Variants in PTGER3 observed in about 807,000 individuals in gnomAD.
The protein encoded by PTGER3 is prostaglandin E2 receptor EP3 subtype.
Under a neutral mutation model 34.7 loss-of-function variants are expected in PTGER3, and 22 were observed. The ratio of observed to expected loss-of-function variants is 0.63; its 90% CI spans 0.45 to 0.91. The LOEUF (loss-of-function observed/expected upper bound fraction) is 0.91, where lower values mean the gene tolerates loss of function less well. Among genes scored for constraint, PTGER3 ranks in the 40% least tolerant of loss-of-function variants. The pLI, the probability that PTGER3 is intolerant of heterozygous loss-of-function variation, is 0.00. For missense variants in PTGER3, 468 were observed against 519.4 expected (o/e 0.90, Z 0.96); for synonymous variants, 241 against 230.1 (o/e 1.05, Z -0.43).
At chr1:70,889,513 G>A (rs1029744855) in intron 4 of PTGER3, among the ~76,000 whole-genome samples, 1 of 151,630 alleles carries the variant, frequency 6.6e-6, no homozygotes, top group Non-Finnish European at 1.5e-5. Flanking sequence ...TTCTCTGTTG[G>A]ACAAATTTAG....
chr1:70,986,169 T>TA (rs1290036751), intron 2 of PTGER3, among the ~76,000 whole-genome samples: 1 of 152,078 alleles, frequency 6.6e-6, no homozygotes, highest in Non-Finnish European at 1.5e-5. Flanking sequence ...CTATATGGTC[T>TA]AAAAAGGGGA....
chr1:70,987,305 C>CA (rs1420149098), intron 2 of PTGER3, among the ~76,000 whole-genome samples: 1 of 152,156 alleles, frequency 6.6e-6, no homozygotes, highest in Non-Finnish European at 1.5e-5. Context: ...TTAAGTCTGA[C>CA]AAAACGTATA....
intron 1 of PTGER3, among the ~76,000 whole-genome samples, chr1:71,038,552 A>G (rs1660022143): frequency 1.3e-5 from 2 of 152,206 alleles, no homozygotes; most frequent in South Asian, 4.1e-4. Context: ...GATCCTTCAA[A>G]TATCTATCAT....
At chr1:70,984,212 C>A (rs1239359485) in intron 2 of PTGER3, among the ~76,000 whole-genome samples, 1 of 151,440 alleles carries the variant, frequency 6.6e-6, no homozygotes, top group East Asian at 1.9e-4. Flanking sequence ...CGTGGTGAAA[C>A]CCTGTCTCTA....
At chr1:70,955,847 C>A (rs375333063) in intron 2 of PTGER3, among the ~76,000 whole-genome samples, 2 of 152,230 alleles carry the variant, frequency 1.3e-5, no homozygotes, top group South Asian at 4.2e-4. Flanking sequence ...GGTCACTAAT[C>A]CCATCACTAT....
chr1:70,975,792 G>C (rs1424103159), intron 2 of PTGER3, among the ~76,000 whole-genome samples: 1 of 152,158 alleles, frequency 6.6e-6, no homozygotes, highest in Non-Finnish European at 1.5e-5. Context: ...TGGAAGAGTG[G>C]TCAGACTTGG....
chr1:70,869,388 C>A (rs955678071), intron 4 of PTGER3: 2 of 417,028 alleles, frequency 4.8e-6, no homozygotes, highest in Admixed American at 5.3e-5. Flanking sequence ...ATCATTCCAC[C>A]CCTCTTCTCC....
At chr1:70,856,001 A>G (rs1031032203) in intron 4 of PTGER3, among the ~76,000 whole-genome samples, 7 of 152,118 alleles carry the variant, frequency 4.6e-5, no homozygotes, top group African/African-American at 1.7e-4. Context: ...GGTAGATTAA[A>G]AAGTTTGGTA....
At chr1:70,914,991 A>G (rs76048468) in intron 4 of PTGER3, among the ~76,000 whole-genome samples, 6,370 of 152,000 alleles carry the variant, frequency 0.042, 167 homozygotes, top group Middle Eastern at 0.13. Context: ...CCGGGAACCT[A>G]TGCTAGGTAC....
At chr1:71,033,082 C>T (rs1659545985) in intron 1 of PTGER3, among the ~76,000 whole-genome samples, 1 of 152,122 alleles carries the variant, frequency 6.6e-6, no homozygotes, top group African/African-American at 2.4e-5. Flanking sequence ...AATTTACCTC[C>T]TAATTCTCTC....
At chr1:70,988,773 C>T (rs1255835853) in intron 2 of PTGER3, among the ~76,000 whole-genome samples, 1 of 151,938 alleles carries the variant, frequency 6.6e-6, no homozygotes, top group African/African-American at 2.4e-5. Context: ...TGAAGCTGAC[C>T]AAAACCTAAC....
At chr1:70,878,361 CT>C (rs575749469) in intron 4 of PTGER3, among the ~76,000 whole-genome samples, 57 of 151,958 alleles carry the variant, frequency 3.8e-4, no homozygotes, top group African/African-American at 1.4e-3. Context: ...ATCTTCTTTC[CT>C]TTTTTCTTTA....
At chr1:71,003,838 T>C (rs899134942) in intron 2 of PTGER3, among the ~76,000 whole-genome samples, 2 of 152,160 alleles carry the variant, frequency 1.3e-5, no homozygotes, top group Non-Finnish European at 2.9e-5. Context: ...TCATAGAGGC[T>C]CTCACAGAAG....
intron 4 of PTGER3, among the ~76,000 whole-genome samples, chr1:70,942,090 C>T (rs1649812586): frequency 6.6e-6 from 1 of 152,116 alleles, no homozygotes; most frequent in Non-Finnish European, 1.5e-5. Context: ...CATAACCCAG[C>T]AACCAGGAGA....
At chr1:70,984,519 A>G (rs935152414) in intron 2 of PTGER3, among the ~76,000 whole-genome samples, 2 of 152,306 alleles carry the variant, frequency 1.3e-5, no homozygotes, top group Admixed American at 1.3e-4. Flanking sequence ...ATTTGAGACC[A>G]GCCTGGGCAA....
chr1:70,957,055 A>G (rs994297031), intron 2 of PTGER3, among the ~76,000 whole-genome samples: 13 of 152,170 alleles, frequency 8.5e-5, no homozygotes, highest in African/African-American at 3.1e-4. Context: ...TTGTCTGTGT[A>G]CAGGACAGAA....
intron 2 of PTGER3, among the ~76,000 whole-genome samples, chr1:70,963,757 A>AT (rs1265142654): frequency 6.6e-6 from 1 of 152,048 alleles, no homozygotes; most frequent in African/African-American, 2.4e-5. Flanking sequence ...CCCTGGAGAC[A>AT]TTTTTTCCAT....
Position 71,046,784 on chromosome 1 carries a change from G to C in PTGER3, c.794C>G (p.Thr265Arg). The change falls in exon 1 of 4, where the codon ACG becomes AGG. Residue 265 changes from threonine (T) to arginine (R), a missense_variant. Thr to Arg is a moderately conservative substitution (Grantham distance 71). Transcript: ENST00000306666. The stretch of plus-strand genomic sequence containing the variant: ...CCACTGGGCACTGGACTGAGATGCC[G>C]TGGCCTTGGCCCGGCAGCGGGACAC... ...ALVSRCRAKA[T>R]ASQSSAQWGR... 1 of 1,614,056 alleles carries C rather than the reference G, an allele frequency of 6.2e-7. No individual in the cohort carries two copies.
intron 4 of PTGER3, among the ~76,000 whole-genome samples, chr1:70,878,369 T>G (rs2100578571): frequency 6.6e-6 from 1 of 152,250 alleles, no homozygotes; most frequent in South Asian, 2.1e-4. Flanking sequence ...TCCTTTTTTC[T>G]TTATTAGTCT....
Sources: allele counts gnomAD v4.1 joint callset (sites outside exome capture counted in the v4.1 genomes callset), GRCh38; gene constraint gnomAD v4.1.1; transcripts MANE v1.5; gene names NCBI Gene and HGNC (gene_info 2026-07-23, HGNC 2026-07-21).